NCMAP: variants seen among roughly 807,000 people sequenced by gnomAD.
NCMAP encodes the protein non-compact myelin associated protein.
Under a neutral mutation model 7.8 loss-of-function variants are expected in NCMAP, and 8 were observed. That is an observed-to-expected ratio of 1.02 (90% CI 0.60 to 1.84). NCMAP has a LOEUF of 1.84. Ranked by LOEUF, NCMAP falls within the 40% of genes most tolerant of loss-of-function variation. The probability of loss-of-function intolerance (pLI) is 0.00; values close to 1 mark genes in which losing one functional copy is unlikely to be tolerated. For missense variants in NCMAP, 112 were observed against 131.4 expected, an observed-to-expected ratio of 0.85 and a Z score of 0.72; for synonymous variants, 41 against 52.9, an observed-to-expected ratio of 0.78 and a Z score of 0.98.
chr1:24,602,526 C>T (rs1311663349), intron 3 of NCMAP, among the ~76,000 whole-genome samples: 2 of 126,138 alleles, frequency 1.6e-5, no homozygotes, highest in South Asian at 4.7e-4. Context: ...GCGGAGATCG[C>T]GCCACAGCAC....
intron 1 of NCMAP, among the ~76,000 whole-genome samples, chr1:24,577,795 A>G (rs879577671): frequency 3.3e-5 from 5 of 152,028 alleles, no homozygotes; most frequent in Admixed American, 2.6e-4. Context: ...TGGGAGACTT[A>G]GTGCCTTACG....
intron 1 of NCMAP, among the ~76,000 whole-genome samples, chr1:24,586,231 C>A (rs779362625): frequency 1.3e-5 from 2 of 152,142 alleles, no homozygotes; most frequent in African/African-American, 4.8e-5. Context: ...TCATGAGCCC[C>A]GAGACAATGT....
In NCMAP at chr1:24,595,455, G is replaced by T. The variant is rs1652190505; in HGVS notation, c.25G>T (p.Asp9Tyr). 6.2e-7 allele frequency: 1 copy of T among 1,614,010 alleles called. No individual in the cohort carries two copies. The highest frequency in any genetic ancestry group is 8.5e-7 in the Non-Finnish European group (1 of 1,179,864). The change falls in exon 2 of 4, where the codon GAT becomes TAT. Residue 9 changes from aspartate (D) to tyrosine (Y), a missense_variant. By Grantham distance (160) the Asp-to-Tyr change is radical. Transcript: ENST00000374392. The stretch of plus-strand genomic sequence containing the variant: ...GATGACCACAGCCACCCCTCTGGGG[G>T]ATACCACCTTCTTCTCACTGAACAT... MTTATPLGDTTFFSLNMTT... is the reference protein window; with the variant it reads MTTATPLGYTTFFSLNMTT...
Position 24,570,318 on chromosome 1 carries a change from C to T in NCMAP, c.-8+14149C>T, listed in dbSNP as rs1252138059. 4.2e-4 allele frequency among the ~76,000 whole-genome samples: 64 copies of T among 150,712 alleles called. 2 individuals are homozygous for T. Among genetic ancestry groups the T allele is most frequent in the Admixed American group, 4.2e-3 (64 of 15,238 alleles). On this transcript the variant is annotated intron_variant, in intron 1 of 3. Coordinates refer to ENST00000374392, the MANE Select transcript of NCMAP (RefSeq NM_001010980.5). ...AAACATAAAGTAAGTTAGGCCCCAT[C>T]TCTAACAAAAAAAAATTTTTTTATA...
At chr1:24,592,272 C>G (rs1652070302) in intron 1 of NCMAP, among the ~76,000 whole-genome samples, 1 of 152,064 alleles carries the variant, frequency 6.6e-6, no homozygotes, top group Admixed American at 6.6e-5. Flanking sequence ...GTTTTTTGAG[C>G]CCCAGAATCA....
At position 24,576,208 on chromosome 1, in the gene NCMAP, C is replaced by T. The variant is rs554846440; in HGVS notation, c.-7-19216C>T. On this transcript the variant is annotated intron_variant, in intron 1 of 3. Transcript: ENST00000374392. This position sits in a 1 kb window ranked among gnomAD's most constrained non-coding sequence, Gnocchi z 4.0. ...CACAGAAAGGCCACTTAGGTCTGTG[C>T]GGCATCCACATCCCACCTCCTGACA... Among the ~76,000 whole-genome samples the T allele has an allele frequency of 5.1e-4, 78 of 152,286 alleles. No homozygotes were observed. The Middle Eastern group carries it at 0.01, about 20-fold the overall frequency.
At chr1:24,556,531 T>G (rs747979102) in intron 1 of NCMAP, among the ~76,000 whole-genome samples, 5 of 152,198 alleles carry the variant, frequency 3.3e-5, no homozygotes, top group Non-Finnish European at 7.3e-5. Context: ...TTTACCCACT[T>G]GGGGCCTTAT....
intron 1 of NCMAP, among the ~76,000 whole-genome samples, chr1:24,559,836 C>A (rs1650997496): frequency 6.6e-6 from 1 of 152,240 alleles, no homozygotes; most frequent in Non-Finnish European, 1.5e-5. Context: ...CCTAATTTAA[C>A]CAGAGACGAT....
intron 1 of NCMAP, among the ~76,000 whole-genome samples, chr1:24,571,420 A>C (rs1227037909): frequency 6.7e-6 from 1 of 148,512 alleles, no homozygotes; most frequent in Admixed American, 6.7e-5. Flanking sequence ...GGTTGCTGTG[A>C]GTGGAGATCA....
At position 24,591,029 on chromosome 1, in the gene NCMAP, G is replaced by A. The variant is rs537512692; in HGVS notation, c.-7-4395G>A. On this transcript the variant is annotated intron_variant, in intron 1 of 3. Coordinates refer to ENST00000374392, the MANE Select transcript of NCMAP (RefSeq NM_001010980.5). ...CAGTTACTCATTCCAGCCCTTGCAC[G>A]GCGAAGGAGAGAAGACCCAGACACT... 3.8e-4 allele frequency among the ~76,000 whole-genome samples: 58 copies of A among 152,130 alleles called. No individual in the cohort carries two copies. In the South Asian group the frequency reaches 0.012, roughly 30 times the overall value.
intron 1 of NCMAP, among the ~76,000 whole-genome samples, chr1:24,581,236 C>A (rs1443052406): frequency 6.6e-6 from 1 of 151,944 alleles, no homozygotes; most frequent in Non-Finnish European, 1.5e-5. Context: ...CCTGCCTCAG[C>A]CTCCCAAACA....
At chr1:24,587,846 T>G (rs1321061289) in intron 1 of NCMAP, among the ~76,000 whole-genome samples, 2 of 152,148 alleles carry the variant, frequency 1.3e-5, no homozygotes. Context: ...AGGTTTTCAC[T>G]TAGAAGAGGT....
chr1:24,597,526 GGGGGA>G (rs1477973822), intron 2 of NCMAP, among the ~76,000 whole-genome samples: 3 of 58,390 alleles, frequency 5.1e-5, no homozygotes, highest in African/African-American at 2.2e-4. Context: ...GGAAGGGGGG[GGGGGA>G]GGGGGAGGGG....
chr1:24,573,001 G>A (rs1422257145), intron 1 of NCMAP, among the ~76,000 whole-genome samples: 3 of 150,696 alleles, frequency 2.0e-5, no homozygotes, highest in South Asian at 2.1e-4. Flanking sequence ...CCCATGCCCA[G>A]TGGTGGGCAT....
At chr1:24,569,628 G>T (rs1446546668) in intron 1 of NCMAP, among the ~76,000 whole-genome samples, 1 of 150,726 alleles carries the variant, frequency 6.6e-6, no homozygotes, top group Non-Finnish European at 1.5e-5. Flanking sequence ...CACTGGCTGT[G>T]TGACCTCAGG....
At chr1:24,577,566 T>C (rs568450867) in intron 1 of NCMAP, among the ~76,000 whole-genome samples, 33 of 151,880 alleles carry the variant, frequency 2.2e-4, no homozygotes, top group Non-Finnish European at 3.5e-4. Context: ...TGAACCACCA[T>C]GCCCGGCCTG....
Position 24,556,162 on chromosome 1 carries a change from C to T in NCMAP, c.-15C>T, listed in dbSNP as rs1650888881. 1 of 152,740 alleles carries T rather than the reference C, an allele frequency of 6.5e-6. No homozygotes were observed. The highest frequency in any genetic ancestry group is 1.5e-5 in the Non-Finnish European group (1 of 68,278). 9.5% of individuals were successfully genotyped at this position (152,740 alleles called of 1,614,324 possible). ...CGGCGGGAGGCCGAGCGGGGCTCGA[C>T]AGAGCAGGTAGGAGGCGCCTGGTCG... On this transcript the variant is annotated 5_prime_UTR_variant, in exon 1 of 4. Transcript: ENST00000374392.
chr1:24,575,214 T>A (rs1358036789), intron 1 of NCMAP, among the ~76,000 whole-genome samples: 1 of 151,814 alleles, frequency 6.6e-6, no homozygotes, highest in Non-Finnish European at 1.5e-5. Context: ...TTGTCTCAGA[T>A]AAAAAAAGAT....
intron 1 of NCMAP, among the ~76,000 whole-genome samples, chr1:24,570,614 C>T (rs909361642): frequency 6.6e-6 from 1 of 150,982 alleles, no homozygotes; most frequent in Non-Finnish European, 1.5e-5. Context: ...ACCCCACAGC[C>T]GAAGAGTTTA....
Sources: allele counts gnomAD v4.1 joint callset (sites outside exome capture counted in the v4.1 genomes callset), GRCh38; gene constraint gnomAD v4.1.1; non-coding constraint Gnocchi (gnomAD v3.1); transcripts MANE v1.5; gene names NCBI Gene and HGNC (gene_info 2026-07-23, HGNC 2026-07-21).